The following MAP3K4 variants were observed in gnomAD, a reference collection of about 807,000 sequenced individuals.
MAP3K4 encodes mitogen-activated protein kinase kinase kinase 4.
A neutral mutation model predicts 185.6 loss-of-function variants in MAP3K4; 67 were observed. The ratio of observed to expected loss-of-function variants is 0.36; its 90% confidence interval spans 0.30 to 0.44. The LOEUF is 0.44. Ranked by LOEUF, MAP3K4 falls within the 20% of genes least tolerant of loss-of-function variation. The probability of loss-of-function intolerance (pLI) is 1.00; values close to 1 mark genes in which losing one functional copy is unlikely to be tolerated. For missense variants in MAP3K4, 1,551 were observed against 1,995.1 expected (o/e 0.78, Z 4.24); for synonymous variants, 702 against 710.4 (o/e 0.99, Z 0.19).
rs1784080771 is a variant in MAP3K4 at position 161,053,143 on chromosome 6, G to A, written c.1707+3164G>A. 6.6e-6 allele frequency among the ~76,000 whole-genome samples: 1 copy of A among 152,176 alleles called. No individual in the cohort carries two copies. The highest frequency in any genetic ancestry group is 2.1e-4 in the South Asian group (1 of 4,828). On this transcript the variant is annotated intron_variant, in intron 3 of 26. Transcript: ENST00000392142. This position sits in a 1 kb window ranked among gnomAD's most constrained non-coding sequence, Gnocchi z 4.2. ...GGCAGGCAACATCAGCTTCTGGGGA[G>A]GCCTCAGGGAGCTATAGTCATGATG...
chr6:161,035,215 C>T (rs1783110936), intron 2 of MAP3K4, among the ~76,000 whole-genome samples: 1 of 152,076 alleles, frequency 6.6e-6, no homozygotes, highest in Admixed American at 6.5e-5. Flanking sequence ...AAAACAAATG[C>T]CATATATTCC....
At chr6:161,094,760 A>C (rs1013560396) in intron 15 of MAP3K4, among the ~76,000 whole-genome samples, 1 of 152,188 alleles carries the variant, frequency 6.6e-6, no homozygotes, top group Non-Finnish European at 1.5e-5. Flanking sequence ...GTGAAAATGA[A>C]AGTTAACATT....
At chr6:161,028,277 C>G (rs1227393319) in intron 1 of MAP3K4, among the ~76,000 whole-genome samples, 1 of 151,210 alleles carries the variant, frequency 6.6e-6, no homozygotes, top group Non-Finnish European at 1.5e-5. Context: ...GTTCCAGTGG[C>G]ATTGGATAAG....
chr6:161,021,226 T>C (rs974802961), intron 1 of MAP3K4, among the ~76,000 whole-genome samples: 4 of 152,228 alleles, frequency 2.6e-5, no homozygotes, highest in African/African-American at 9.7e-5. Flanking sequence ...GAACAATTCT[T>C]TTCCCTCTGT....
In MAP3K4 at chr6:161,098,384, G is replaced by A; in HGVS notation, c.3631G>A (p.Asp1211Asn). 6.2e-7 allele frequency: 1 copy of A among 1,613,896 alleles called. No homozygotes were observed. The highest frequency in any genetic ancestry group is 8.5e-7 in the Non-Finnish European group (1 of 1,180,024). ...AASRPSPSGG[D>N]SVLPKSISSA... ...CAGTCGGCCCAGCCCCTCTGGTGGT[G>A]ACTCTGTGCTGCCCAAATCCATCAG... The change falls in exon 17 of 27, where the codon GAC (aspartate) becomes AAC (asparagine). Residue 1211 changes from aspartate (D) to asparagine (N), a missense_variant. Asp to Asn is a conservative substitution (Grantham distance 23). This residue lies in a region of MAP3K4 where 272 missense variants were observed against 301.2 expected (regional missense o/e 0.90). Transcript: ENST00000392142. The surrounding 1 kb of genome is among the most constrained non-coding windows in gnomAD (Gnocchi z 4.4).
In MAP3K4 at chr6:161,073,568, T is replaced by C; in HGVS notation, c.2053T>C (p.Cys685Arg). The C allele has an allele frequency of 6.2e-7, 1 of 1,614,106 alleles. No individual in the cohort carries two copies. Among genetic ancestry groups the C allele is most frequent in the Non-Finnish European group, 8.5e-7 (1 of 1,179,980 alleles). The change falls in exon 5 of 27, where the codon TGC (cysteine) becomes CGC (arginine). Residue 685 changes from cysteine (C) to arginine (R), a missense_variant. By Grantham distance (180) the Cys-to-Arg change is radical (BLOSUM62 -3). Coordinates refer to ENST00000392142, the MANE Select transcript of MAP3K4 (RefSeq NM_005922.4). The surrounding 1 kb of genome is among the most constrained non-coding windows in gnomAD (Gnocchi z 4.2). ...TCTGGAGGACTTGGAGAAGCCCGAC[T>C]GCAACATTGACGCTTTTGAAGAGGA... ...EVLEDLEKPD[C>R]NIDAFEEDLH...
chr6:160,997,255 C>G (rs1201657415), intron 1 of MAP3K4, among the ~76,000 whole-genome samples: 1 of 152,040 alleles, frequency 6.6e-6, no homozygotes, highest in East Asian at 1.9e-4. Context: ...TAATCTCTGT[C>G]CCACCACCCC....
intron 3 of MAP3K4, among the ~76,000 whole-genome samples, chr6:161,068,971 GCTT>G (rs1470923952): frequency 6.6e-6 from 1 of 152,172 alleles, no homozygotes; most frequent in East Asian, 1.9e-4. Context: ...TTAAGATATG[GCTT>G]CTTCTATTTG....
At position 161,086,163 on chromosome 6, in the gene MAP3K4, A is replaced by G. The variant is rs1197734103; in HGVS notation, c.2373-216A>G. On this transcript the variant is annotated intron_variant, in intron 7 of 26. Transcript: ENST00000392142. This position sits in a 1 kb window ranked among gnomAD's most constrained non-coding sequence, Gnocchi z 4.8. ...AGGTTATTAAATGTGCCCTGCTTAC[A>G]TTGAAAGGATATGAATATTTTCTAC... is the stretch of plus-strand genomic sequence containing the variant. Among the ~76,000 whole-genome samples the G allele has an allele frequency of 2.0e-5, 3 of 152,218 alleles. No homozygotes were observed. Among genetic ancestry groups the G allele is most frequent in the Non-Finnish European group, 4.4e-5 (3 of 68,030 alleles).
chr6:161,012,362 G>A (rs1474282519), intron 1 of MAP3K4, among the ~76,000 whole-genome samples: 6 of 152,058 alleles, frequency 3.9e-5, no homozygotes, highest in East Asian at 3.9e-4. Flanking sequence ...GAATATTCCC[G>A]TACTCCCCAG....
Position 161,017,282 on chromosome 6 carries a change from G to A in MAP3K4, c.153-16977G>A, listed in dbSNP as rs972024867. On this transcript the variant is annotated intron_variant, in intron 1 of 26. Coordinates refer to ENST00000392142, the MANE Select transcript of MAP3K4 (RefSeq NM_005922.4). This position sits in a 1 kb window ranked among gnomAD's most constrained non-coding sequence, Gnocchi z 5.1. ...ATTAGTATATTAGAATTTTTATTTC[G>A]ATGATCCTAGCTAAGTCAAAACAAT... Among the ~76,000 whole-genome samples the A allele has an allele frequency of 6.6e-6, 1 of 151,966 alleles. No homozygotes were observed. The highest frequency in any genetic ancestry group is 1.5e-5 in the Non-Finnish European group (1 of 67,986).
Position 161,112,010 on chromosome 6 carries a change from G to A in MAP3K4, c.4519+52G>A, listed in dbSNP as rs1320572156. On this transcript the variant is annotated intron_variant, in intron 24 of 26. Transcript: ENST00000392142. The surrounding 1 kb of genome is among the most constrained non-coding windows in gnomAD (Gnocchi z 5.1). The stretch of plus-strand genomic sequence containing the variant: ...CACTCTGACTTCATGCAGCCTGCTT[G>A]GGGCCTGCATGTTCCCTTCACCTTT... 2.5e-6 allele frequency: 4 copies of A among 1,603,828 alleles called. No individual in the cohort carries two copies. Among genetic ancestry groups the A allele is most frequent in the Non-Finnish European group, 3.4e-6 (4 of 1,174,624 alleles).
chr6:161,033,069 TTCAG>T (rs1241200879), intron 1 of MAP3K4, among the ~76,000 whole-genome samples: 1 of 152,188 alleles, frequency 6.6e-6, no homozygotes, highest in African/African-American at 2.4e-5. Context: ...GTCAATCTAA[TTCAG>T]TAATAATGGG....
rs1777845457 is a variant in MAP3K4 at position 161,101,662 on chromosome 6, CTGTTCACT to C, written c.3675-228_3675-221del. ...CCAGAGGACGGTCTCCACAGCAGCG[CTGTTCACT>C]TAGGGGGCTGATTCTGGTGGGTCTG... On this transcript the variant is annotated intron_variant, in intron 17 of 26. Coordinates refer to ENST00000392142, the MANE Select transcript of MAP3K4 (RefSeq NM_005922.4). This position sits in a 1 kb window ranked among gnomAD's most constrained non-coding sequence, Gnocchi z 5.1. The C allele has an allele frequency of 2.2e-6, 1 of 456,992 alleles. No individual in the cohort carries two copies. The highest frequency in any genetic ancestry group is 4.0e-6 in the Non-Finnish European group (1 of 252,540). 28.3% of individuals were successfully genotyped at this position (456,992 alleles called of 1,614,324 possible).
At position 161,109,995 on chromosome 6, in the gene MAP3K4, C is replaced by A; in HGVS notation, c.4396+81C>A. 2 of 1,418,890 alleles carry A rather than the reference C, an allele frequency of 1.4e-6. No individual in the cohort carries two copies. The highest frequency in any genetic ancestry group is 9.8e-7 in the Non-Finnish European group (1 of 1,016,554). The allele number at this position is 1,418,890 out of a possible 1,614,324, so 87.9% of individuals were successfully genotyped here. On this transcript the variant is annotated intron_variant, in intron 23 of 26. Transcript: ENST00000392142. This position sits in a 1 kb window ranked among gnomAD's most constrained non-coding sequence, Gnocchi z 5.7. ...GGGAGGTGCTCTGAAGACGCTCATC[C>A]CATTCCCACATATGATTTCTCTAGA...
At chr6:161,072,858 CT>C (rs2114820180) in intron 4 of MAP3K4, among the ~76,000 whole-genome samples, 1 of 152,168 alleles carries the variant, frequency 6.6e-6, no homozygotes, top group Non-Finnish European at 1.5e-5. Flanking sequence ...AGGTTATTAC[CT>C]ATTAGATCTA....
At chr6:161,113,340 T>C (rs1341772265) in intron 25 of MAP3K4, among the ~76,000 whole-genome samples, 4 of 151,968 alleles carry the variant, frequency 2.6e-5, no homozygotes, top group African/African-American at 9.7e-5. Context: ...ACAGGGACAG[T>C]AGAAAGATGA....
At position 161,048,596 on chromosome 6, in the gene MAP3K4, T is replaced by C. The variant is rs764461709; in HGVS notation, c.344-20T>C. The C allele has an allele frequency of 6.0e-6, 9 of 1,505,454 alleles. No individual in the cohort carries two copies. In the South Asian group the frequency reaches 1.2e-4, roughly 19 times the overall value. The allele number at this position is 1,505,454 out of a possible 1,614,324, so 93.3% of individuals were successfully genotyped here. A position where few individuals can be genotyped will look rare whatever the true frequency, so the allele number is the denominator to read the frequency against. On this transcript the variant is annotated intron_variant, in intron 2 of 26. Transcript: ENST00000392142. The surrounding 1 kb of genome is among the most constrained non-coding windows in gnomAD (Gnocchi z 4.7). ...TATTTTAGAGTTATATAATGTTCTG[T>C]TTATTTTTTTTTTTAATAGAAAAAA...
chr6:161,109,012 C>T lies in MAP3K4; in HGVS notation c.4236+153C>T. 1.3e-6 allele frequency: 2 copies of T among 1,581,522 alleles called. No homozygotes were observed. The highest frequency in any genetic ancestry group is 1.7e-6 in the Non-Finnish European group (2 of 1,167,604). On this transcript the variant is annotated intron_variant, in intron 22 of 26. Coordinates refer to ENST00000392142, the MANE Select transcript of MAP3K4 (RefSeq NM_005922.4). The surrounding 1 kb of genome is among the most constrained non-coding windows in gnomAD (Gnocchi z 5.7). ...ATGAGTTACATCATTTCTGCCTTCT[C>T]TCTGAAACTAGAGGAGTTCCTCCTA...
Sources: allele counts gnomAD v4.1 joint callset (sites outside exome capture counted in the v4.1 genomes callset), GRCh38; gene constraint gnomAD v4.1.1; regional missense constraint gnomAD v4.1.1; non-coding constraint Gnocchi (gnomAD v3.1); transcripts MANE v1.5; gene names NCBI Gene and HGNC (gene_info 2026-07-23, HGNC 2026-07-21).